The following ANKDD1A variants were observed in gnomAD, a reference collection of about 807,000 sequenced individuals.
ANKDD1A encodes ankyrin repeat and death domain containing 1A, also known as ankyrin repeat and death domain-containing protein 1A.
ANKDD1A carries 59 observed loss-of-function variants against 63.5 expected under a neutral mutation model. The observed-to-expected ratio is 0.93, with a 90% CI of 0.75 to 1.15. The LOEUF (loss-of-function observed/expected upper bound fraction) is 1.15, where lower values mean the gene tolerates loss of function less well. Among genes scored for constraint, ANKDD1A ranks in the 50% most tolerant of loss-of-function variants. ANKDD1A has a pLI of 0.00. For missense variants in ANKDD1A, 632 were observed against 656.4 expected, an observed-to-expected ratio of 0.96 and a Z score of 0.41; for synonymous variants, 266 against 263.9, an observed-to-expected ratio of 1.01 and a Z score of -0.08.
chr15:64,957,715 C>G lies in ANKDD1A; in HGVS notation c.*527C>G, dbSNP rs1450293907. 2 of 152,148 alleles carry G rather than the reference C, an allele frequency of 1.3e-5. No individual in the cohort carries two copies. Among genetic ancestry groups the G allele is most frequent in the Non-Finnish European group, 2.9e-5 (2 of 68,072 alleles). 9.4% of individuals were successfully genotyped at this position (152,148 alleles called of 1,614,324 possible). On this transcript the variant is annotated 3_prime_UTR_variant, in exon 15 of 15. Coordinates refer to ENST00000319580, the MANE Select transcript of ANKDD1A (RefSeq NM_182703.6). ...CTTCCCAAAATAGTATTTCTCTCAG[C>G]AGATATTTCTTTGGTACTACCATGT...
At chr15:64,954,067 TTCTTCCTC>T (rs2085373017) in intron 14 of ANKDD1A, among the ~76,000 whole-genome samples, 2 of 24,758 alleles carry the variant, frequency 8.1e-5, no homozygotes, top group Non-Finnish European at 4.0e-4. Context: ...TTCTTCTTTC[TTCTTCCTC>T]TTTTCTTCTT....
intron 9 of ANKDD1A, among the ~76,000 whole-genome samples, chr15:64,939,506 T>G (rs1177739219): frequency 6.6e-6 from 1 of 152,070 alleles, no homozygotes; most frequent in Non-Finnish European, 1.5e-5. Flanking sequence ...TCCCTGTTCC[T>G]CCAGAGGCTG....
At position 64,931,482 on chromosome 15, in the gene ANKDD1A, T is replaced by G. The variant is rs774728042; in HGVS notation, c.670-5T>G. The G allele has an allele frequency of 6.2e-7, 1 of 1,613,060 alleles. No individual in the cohort carries two copies. The highest frequency in any genetic ancestry group is 1.7e-5 in the Admixed American group (1 of 59,928). The stretch of plus-strand genomic sequence containing the variant: ...CATCCTCATTGCTCTTCTTGTGTGT[T>G]GCAGGAAGGTCTGACTGCCCTGCAT... On this transcript the variant is annotated splice_polypyrimidine_tract_variant and splice_region_variant and intron_variant, in intron 7 of 14. Transcript: ENST00000319580.
chr15:64,951,706 A>ATTCTTCGTTCTTCCT (rs1188766067), intron 14 of ANKDD1A, among the ~76,000 whole-genome samples: 4 of 135,344 alleles, frequency 3.0e-5, no homozygotes, highest in Admixed American at 2.3e-4. Context: ...CTTCTTCCTT[A>ATTCTTCGTTCTTCCT]TTTTCTTTTT....
At chr15:64,935,891 A>G (rs916782953) in intron 9 of ANKDD1A, among the ~76,000 whole-genome samples, 19 of 152,130 alleles carry the variant, frequency 1.2e-4, no homozygotes, top group African/African-American at 3.9e-4. Flanking sequence ...CTATCTTTCT[A>G]GAAGGCAAGT....
chr15:64,935,169 A>C (rs1039570421), intron 9 of ANKDD1A, among the ~76,000 whole-genome samples: 2 of 150,290 alleles, frequency 1.3e-5, no homozygotes, highest in Non-Finnish European at 3.0e-5. Flanking sequence ...TTGAGGCCAC[A>C]GTGAGCCATG....
In ANKDD1A at chr15:64,953,897, CT is replaced by C. The variant is rs2085365106; in HGVS notation, c.1484-3203del. On this transcript the variant is annotated intron_variant, in intron 14 of 14. Transcript: ENST00000319580. ...CTTCATTCTTTCTTCTTCCTCTTTT[CT>C]TTCTTCCCTCTTCTTTCTTCTCTTT... Among the ~76,000 whole-genome samples the C allele has an allele frequency of 1.5e-4, 4 of 27,334 alleles. No individual in the cohort carries two copies. The South Asian group carries it at 2.7e-3, about 18-fold the overall frequency. The allele number at this position is 27,334 out of a possible 152,430, so 17.9% of individuals were successfully genotyped here.
In ANKDD1A at chr15:64,926,942, G is replaced by A. The variant is rs757656828; in HGVS notation, c.513G>A (p.Gln171=). Residue 171 remains glutamine (Q), a synonymous_variant, in exon 6 of 15, where the codon CAG becomes CAA. Transcript: ENST00000319580. The part of the protein sequence containing the change: ...TAFHRAAEHG[Q]LDALDFLVGS... Reference sequence around the variant, plus strand: ...TTCACAGGGCAGCTGAGCACGGGCAGCTGGATGCTCTGGACTTCCTCGTGG... The same window carrying A: ...TTCACAGGGCAGCTGAGCACGGGCAACTGGATGCTCTGGACTTCCTCGTGG... 9.3e-6 allele frequency: 15 copies of A among 1,614,114 alleles called. No homozygotes were observed. Among genetic ancestry groups the A allele is most frequent in the Non-Finnish European group, 1.3e-5 (15 of 1,180,056 alleles).
At chr15:64,953,628 T>TTCTTCTTTC (rs1472903050) in intron 14 of ANKDD1A, among the ~76,000 whole-genome samples, 62,143 of 125,274 alleles carry the variant, frequency 0.5, 17,912 homozygotes, top group East Asian at 0.85. Flanking sequence ...CTTCTTCTTC[T>TTCTTCTTTC]TCCTTCTTCT....
intron 14 of ANKDD1A, 146 bp from the exon 15 acceptor site, chr15:64,956,957 G>A: frequency 2.8e-6 from 1 of 352,750 alleles, no homozygotes; most frequent in South Asian, 2.1e-5. Flanking sequence ...CTACCACTAA[G>A]TTATATTTAA....
chr15:64,929,462 C>T (rs2085071783), intron 6 of ANKDD1A, among the ~76,000 whole-genome samples: 1 of 152,208 alleles, frequency 6.6e-6, no homozygotes, highest in Non-Finnish European at 1.5e-5. Context: ...AGGTACCATG[C>T]CCAGCAGGGA....
At chr15:64,937,784 G>A (rs936257317) in intron 9 of ANKDD1A, among the ~76,000 whole-genome samples, 2 of 152,080 alleles carry the variant, frequency 1.3e-5, no homozygotes, top group African/African-American at 2.4e-5. Flanking sequence ...TTCAAAAAAT[G>A]TACTTATATG....
At chr15:64,914,001 T>TTTTTA (rs1233091114) in intron 1 of ANKDD1A, 1 of 151,938 alleles carries the variant, frequency 6.6e-6, no homozygotes, top group African/African-American at 2.4e-5. Flanking sequence ...TTCTTTTTTT[T>TTTTTA]TTTTTGAGAT....
rs543936685 is a variant in ANKDD1A at position 64,914,865 on chromosome 15, G to A, written c.35-932G>A. On this transcript the variant is annotated intron_variant, in intron 1 of 14. Transcript: ENST00000319580. The stretch of plus-strand genomic sequence containing the variant: ...TGCGTGACAGGGGTTGGCAGGGGGA[G>A]CTCTGAGGTTCCCTTTAATCTGAGA... Among the ~76,000 whole-genome samples, 8 of 152,336 alleles carry A rather than the reference G, an allele frequency of 5.3e-5. No homozygotes were observed. The East Asian group carries it at 1.2e-3, about 22-fold the overall frequency.
At chr15:64,952,598 CGTCTTCTTCT>C (rs2085314070) in intron 14 of ANKDD1A, among the ~76,000 whole-genome samples, 4 of 34,828 alleles carry the variant, frequency 1.1e-4, no homozygotes, top group South Asian at 1.1e-3. Context: ...CTTCTTCCTT[CGTCTTCTTCT>C]TCCTCCTCTC....
rs113564305 is a variant in ANKDD1A, at chr15:64,948,981, G to A, written c.1352-860G>A. ...CTTGTACATTACAGTGGCGGGGGCA[G>A]AGATAGTTAATAAATGGTGTTGAGA... On this transcript the variant is annotated intron_variant, in intron 13 of 14. Transcript: ENST00000319580. Among the ~76,000 whole-genome samples, 1,141 of 152,318 alleles carry A rather than the reference G, an allele frequency of 7.5e-3. 49 individuals carry two copies. In the South Asian group the frequency reaches 0.12, roughly 16 times the overall value.
At chr15:64,940,125 G>A (rs2414864) in intron 9 of ANKDD1A, among the ~76,000 whole-genome samples, 5,673 of 136,808 alleles carry the variant, frequency 0.041, 355 homozygotes, top group South Asian at 0.14. Flanking sequence ...GTATATAAAG[G>A]GCTCTCAAAA....
At chr15:64,954,399 T>G (rs1312085296) in intron 14 of ANKDD1A, among the ~76,000 whole-genome samples, 1 of 149,500 alleles carries the variant, frequency 6.7e-6, no homozygotes, top group African/African-American at 2.5e-5. Flanking sequence ...TCTTTCTTCT[T>G]CCTTCCTCTT....
intron 1 of ANKDD1A, among the ~76,000 whole-genome samples, chr15:64,915,418 C>T (rs1441057109): frequency 2.6e-5 from 4 of 151,936 alleles, no homozygotes; most frequent in East Asian, 3.9e-4. Flanking sequence ...TAGACTGAGC[C>T]GTGGAAAAGA....
Sources: gnomAD v4.1 joint callset for allele counts (sites outside exome capture counted in the v4.1 genomes callset) on GRCh38, gnomAD v4.1.1 for gene constraint, MANE v1.5 for transcripts, NCBI Gene and HGNC (gene_info 2026-07-23, HGNC 2026-07-21) for gene names.